ASB17: variants seen among roughly 807,000 people sequenced by gnomAD.
ASB17 encodes the protein ankyrin repeat and SOCS box protein 17.
In ASB17, 26 loss-of-function variants were observed where a neutral mutation model predicts 25.7. That is an observed-to-expected ratio of 1.01 (90% CI 0.74 to 1.40). The LOEUF (loss-of-function observed/expected upper bound fraction) is 1.40. Ranked by LOEUF, ASB17 falls within the 40% of genes most tolerant of loss-of-function variation. The probability of loss-of-function intolerance (pLI) is 0.00; values close to 1 mark genes in which losing one functional copy is unlikely to be tolerated. For missense variants in ASB17, 326 were observed against 338.5 expected (o/e 0.96, Z 0.29); for synonymous variants, 128 against 121.4 (o/e 1.05, Z -0.36).
At position 75,921,568 on chromosome 1, in the gene ASB17, AAAG is replaced by A. The variant is rs774473556; in HGVS notation, c.681+509_681+511del. On this transcript the variant is annotated intron_variant, in intron 2 of 2. Coordinates refer to ENST00000284142, the MANE Select transcript of ASB17 (RefSeq NM_080868.3). ...ATTTGATTTATTCCAGAAACTTTGT[AAAG>A]AAGGTCTCCACATTTCTGAGGGATA... Among the ~76,000 whole-genome samples, 165 of 152,216 alleles carry A rather than the reference AAAG, an allele frequency of 1.1e-3. 1 individual carries two copies. Among genetic ancestry groups the A allele is most frequent in the Non-Finnish European group, 1.7e-3 (116 of 68,032 alleles).
intron 2 of ASB17, among the ~76,000 whole-genome samples, chr1:75,920,222 T>C (rs1652991202): frequency 6.6e-6 from 1 of 152,210 alleles, no homozygotes; most frequent in Non-Finnish European, 1.5e-5. Flanking sequence ...AAGATGTCTT[T>C]TAAAGGTCTA....
intron 2 of ASB17, among the ~76,000 whole-genome samples, chr1:75,921,780 G>A (rs576269856): frequency 1.3e-5 from 2 of 152,082 alleles, no homozygotes; most frequent in African/African-American, 4.8e-5. Flanking sequence ...TTTTGATTTT[G>A]TTTTTAAAGG....
At position 75,919,080 on chromosome 1, in the gene ASB17, A is replaced by T; in HGVS notation, c.760T>A (p.Cys254Ser). 6.2e-7 allele frequency: 1 copy of T among 1,612,438 alleles called. No homozygotes were observed. Among genetic ancestry groups the T allele is most frequent in the Non-Finnish European group, 8.5e-7 (1 of 1,178,690 alleles). The change falls in exon 3 of 3, where the codon TGT (cysteine) becomes AGT (serine). Residue 254 changes from cysteine (C) to serine (S), a missense_variant. Transcript: ENST00000284142. The stretch of plus-strand genomic sequence containing the variant: ...AGTCTGCAAAGATGTAATAGTTCAC[A>T]TGGATCTTTGTATCTTGTTGAAGGA... ...YIPSTRYKDP[C>S]ELLHLCRLTI...
intron 2 of ASB17, among the ~76,000 whole-genome samples, chr1:75,920,524 T>C (rs1652998117): frequency 6.6e-6 from 1 of 152,190 alleles, no homozygotes; most frequent in African/African-American, 2.4e-5. Flanking sequence ...GGTAGAAATA[T>C]CTAAACATAT....
rs1330997789 is a variant in ASB17, at chr1:75,930,480, C to T, written c.401+1411G>A. On this transcript the variant is annotated intron_variant, in intron 1 of 2. Coordinates refer to ENST00000284142, the MANE Select transcript of ASB17 (RefSeq NM_080868.3). ...TGTTTAAGAAGAGACCAGTGAGCATCGACCAGTTGCTGTCCAGGGTAAAGG... is the reference window on the plus strand; with the variant it reads ...TGTTTAAGAAGAGACCAGTGAGCATTGACCAGTTGCTGTCCAGGGTAAAGG... 2.6e-5 allele frequency among the ~76,000 whole-genome samples: 4 copies of T among 151,576 alleles called. No individual in the cohort carries two copies. In the East Asian group the frequency reaches 5.8e-4, roughly 22 times the overall value.
chr1:75,931,876 A>G lies in ASB17; in HGVS notation c.401+15T>C, dbSNP rs1653329443. On this transcript the variant is annotated intron_variant, in intron 1 of 2. Coordinates refer to ENST00000284142, the MANE Select transcript of ASB17 (RefSeq NM_080868.3). Reference sequence around the variant, plus strand: ...AATTTTCTTGTTCTATAGTGAAAACATATGAAATTATTACCTCCATATCAG... The same window carrying G: ...AATTTTCTTGTTCTATAGTGAAAACGTATGAAATTATTACCTCCATATCAG... The G allele has an allele frequency of 1.3e-6, 2 of 1,550,908 alleles. No individual in the cohort carries two copies. Among genetic ancestry groups the G allele is most frequent in the Admixed American group, 2.1e-5 (1 of 47,530 alleles).
intron 1 of ASB17, among the ~76,000 whole-genome samples, chr1:75,929,788 G>T (rs1431950591): frequency 6.6e-6 from 1 of 152,082 alleles, no homozygotes; most frequent in Non-Finnish European, 1.5e-5. Context: ...GAGATGAAAG[G>T]AGATGAAAAG....
At chr1:75,925,923 C>T (rs142208965) in intron 1 of ASB17, among the ~76,000 whole-genome samples, 30 of 152,252 alleles carry the variant, frequency 2.0e-4, no homozygotes, top group Middle Eastern at 3.4e-3. Flanking sequence ...GCTAGTCTCT[C>T]CAAGTTACCC....
At position 75,922,062 on chromosome 1, in the gene ASB17, T is replaced by A. The variant is rs765917576; in HGVS notation, c.681+18A>T. 1.9e-5 allele frequency: 30 copies of A among 1,573,824 alleles called. No individual in the cohort carries two copies. Among genetic ancestry groups the A allele is most frequent in the South Asian group, 7.0e-5 (6 of 85,770 alleles). On this transcript the variant is annotated intron_variant, in intron 2 of 2. Coordinates refer to ENST00000284142, the MANE Select transcript of ASB17 (RefSeq NM_080868.3). ...TCACTAATATTTGAGCCCATTTTTT[T>A]TAAAGTAGTTTTCTTACCTTTATTT... is the stretch of plus-strand genomic sequence containing the variant.
At chr1:75,922,693 T>G (rs1653065820) in intron 1 of ASB17, among the ~76,000 whole-genome samples, 1 of 151,786 alleles carries the variant, frequency 6.6e-6, no homozygotes, top group South Asian at 2.1e-4. Flanking sequence ...AAGGGGTTTC[T>G]CCATGTTGGT....
At chr1:75,927,996 T>C (rs980816561) in intron 1 of ASB17, among the ~76,000 whole-genome samples, 1 of 152,212 alleles carries the variant, frequency 6.6e-6, no homozygotes, top group Middle Eastern at 3.2e-3. Flanking sequence ...CAATGTTGTT[T>C]GTATCTCCCT....
At chr1:75,921,300 C>T (rs1163435473) in intron 2 of ASB17, among the ~76,000 whole-genome samples, 1 of 152,042 alleles carries the variant, frequency 6.6e-6, no homozygotes, top group African/African-American at 2.4e-5. Flanking sequence ...ACTGCTGAGG[C>T]ACTGAAGAAA....
At chr1:75,924,343 C>A (rs1470167593) in intron 1 of ASB17, among the ~76,000 whole-genome samples, 2 of 151,972 alleles carry the variant, frequency 1.3e-5, no homozygotes. Flanking sequence ...GTTCAGGTCT[C>A]CAAAAAGTAT....
rs1653047377 is a variant in ASB17, at chr1:75,922,257, T to C, written c.504A>G (p.Gln168=). 6.2e-7 allele frequency: 1 copy of C among 1,613,408 alleles called. No homozygotes were observed. Among genetic ancestry groups the C allele is most frequent in the African/African-American group, 1.3e-5 (1 of 75,018 alleles). The change falls in exon 2 of 3, where the codon CAA becomes CAG. Residue 168 remains glutamine, a synonymous_variant. Transcript: ENST00000284142. ...TTTTTTCTCTTTCTAAGATTCCATA[T>C]TGCAGTAGTATTTTGAAGATATTAG... ...RQSNIFKILL[Q]YGILEREKNP...
At chr1:75,927,809 T>C (rs1212269911) in intron 1 of ASB17, among the ~76,000 whole-genome samples, 2 of 152,192 alleles carry the variant, frequency 1.3e-5, no homozygotes, top group Non-Finnish European at 2.9e-5. Context: ...ATCTTTTTAA[T>C]TGTACAAGTT....
chr1:75,925,370 T>C (rs1653143790), intron 1 of ASB17, among the ~76,000 whole-genome samples: 1 of 152,088 alleles, frequency 6.6e-6, no homozygotes, highest in South Asian at 2.1e-4. Flanking sequence ...CCATAAGTGG[T>C]CATTATTAAG....
At chr1:75,921,063 T>C (rs967860055) in intron 2 of ASB17, among the ~76,000 whole-genome samples, 3 of 152,114 alleles carry the variant, frequency 2.0e-5, no homozygotes, top group Non-Finnish European at 4.4e-5. Context: ...CGTGAGCCAC[T>C]GCGCCCGGCC....
Position 75,932,220 on chromosome 1 carries a change from G to A in ASB17, c.72C>T (p.Asp24=), listed in dbSNP as rs753624936. The change falls in exon 1 of 3, where the codon GAC becomes GAT. Residue 24 remains aspartate (D), a synonymous_variant. Coordinates refer to ENST00000284142, the MANE Select transcript of ASB17 (RefSeq NM_080868.3). ...GTAGGGAGGGTCTTTTAACAATTTT[G>A]TCAAGGAGATTGCAGAATATATTGC... The part of the protein sequence containing the change: ...PRSNIFCNLL[D]KIVKRPSLQF... 1.2e-6 allele frequency: 2 copies of A among 1,613,910 alleles called. No homozygotes were observed. The highest frequency in any genetic ancestry group is 1.7e-6 in the Non-Finnish European group (2 of 1,179,892).
chr1:75,918,910 C>T lies in ASB17; in HGVS notation c.*42G>A, dbSNP rs1297058883. On this transcript the variant is annotated 3_prime_UTR_variant, in exon 3 of 3. Transcript: ENST00000284142. Reference sequence around the variant, plus strand: ...AATTTTTATTAACTTCTAAGCCATACATTGGTAAGCATTGTTAAGGAACTT... The same window carrying T: ...AATTTTTATTAACTTCTAAGCCATATATTGGTAAGCATTGTTAAGGAACTT... 6 of 1,481,034 alleles carry T rather than the reference C, an allele frequency of 4.1e-6. No homozygotes were observed. Among genetic ancestry groups the T allele is most frequent in the South Asian group, 3.4e-5 (3 of 88,086 alleles). 91.7% of individuals were successfully genotyped at this position (1,481,034 alleles called of 1,614,324 possible).
Sources: allele counts gnomAD v4.1 joint callset (sites outside exome capture counted in the v4.1 genomes callset), GRCh38; gene constraint gnomAD v4.1.1; transcripts MANE v1.5; gene names NCBI Gene and HGNC (gene_info 2026-07-23, HGNC 2026-07-21).